Variants in SNTG1 observed in about 807,000 individuals in gnomAD.
SNTG1 encodes syntrophin gamma 1, also known as gamma-1-syntrophin.
In SNTG1, 39 loss-of-function variants were observed where a neutral mutation model predicts 74.7. The observed-to-expected ratio is 0.52, with a 90% CI of 0.40 to 0.68. The LOEUF is 0.68. SNTG1 is among the 30% of genes least tolerant of loss of function. SNTG1 has a pLI of 0.00. For missense variants in SNTG1, 685 were observed against 609.5 expected, an observed-to-expected ratio of 1.12 and a Z score of -1.30; for synonymous variants, 254 against 217.1, an observed-to-expected ratio of 1.17 and a Z score of -1.49.
At chr8:50,787,873 T>C (rs1324140910) in intron 18 of SNTG1, among the ~76,000 whole-genome samples, 1 of 152,076 alleles carries the variant, frequency 6.6e-6, no homozygotes, top group African/African-American at 2.4e-5. Context: ...GTACTGGGTA[T>C]AGGATATATT....
chr8:50,661,648 A>G (rs1585997026), intron 15 of SNTG1, among the ~76,000 whole-genome samples: 1 of 152,142 alleles, frequency 6.6e-6, no homozygotes. Flanking sequence ...CCCATCATCT[A>G]GGTTTTAGGC....
chr8:50,567,967 G>A (rs1183981161), intron 12 of SNTG1, among the ~76,000 whole-genome samples: 1 of 151,832 alleles, frequency 6.6e-6, no homozygotes, highest in East Asian at 1.9e-4. Flanking sequence ...CTGTATCTCT[G>A]TATTCATTGG....
chr8:50,468,706 T>TC (rs576950547), intron 8 of SNTG1, among the ~76,000 whole-genome samples: 2 of 152,162 alleles, frequency 1.3e-5, no homozygotes, highest in Non-Finnish European at 2.9e-5. Context: ...TTTGTTCCCC[T>TC]CCCCCACTCT....
chr8:50,748,838 G>A (rs1352709765), intron 17 of SNTG1, among the ~76,000 whole-genome samples: 1 of 151,942 alleles, frequency 6.6e-6, no homozygotes, highest in Non-Finnish European at 1.5e-5. Context: ...TGTGTGTTCT[G>A]ACTGCTCCAC....
intron 9 of SNTG1, among the ~76,000 whole-genome samples, chr8:50,512,381 A>C (rs1449637073): frequency 2.0e-5 from 3 of 151,428 alleles, no homozygotes; most frequent in Middle Eastern, 3.4e-3. Flanking sequence ...GGTGAATCTG[A>C]CAATTATGTG....
intron 1 of SNTG1, among the ~76,000 whole-genome samples, chr8:50,015,292 G>A (rs1193979788): frequency 6.6e-6 from 1 of 151,974 alleles, no homozygotes; most frequent in East Asian, 1.9e-4. Context: ...GATTTGAATA[G>A]GAGGAAGAGA....
In SNTG1 at chr8:50,394,222, T is replaced by C. The variant is rs2092699416; in HGVS notation, c.-17T>C. On this transcript the variant is annotated 5_prime_UTR_variant, in exon 3 of 19. Transcript: ENST00000642720. ...TCTGTGTCTTTTCAGACGACATCCTTTGTGGTGCCACAGCACATGGATTTC... is the reference window on the plus strand; with the variant it reads ...TCTGTGTCTTTTCAGACGACATCCTCTGTGGTGCCACAGCACATGGATTTC... The C allele has an allele frequency of 6.2e-7, 1 of 1,612,662 alleles. No individual in the cohort carries two copies. Among genetic ancestry groups the C allele is most frequent in the African/African-American group, 1.3e-5 (1 of 74,858 alleles).
In SNTG1 at chr8:50,504,567, A is replaced by G. The variant is rs2093990671; in HGVS notation, c.466+1687A>G. ...AGCATTTTGAGAGGCTGAGGCCGGC[A>G]GATCACCTAAGCTCAGGAGTTCAAG... is the stretch of plus-strand genomic sequence containing the variant. On this transcript the variant is annotated intron_variant, in intron 9 of 18. Transcript: ENST00000642720. Among the ~76,000 whole-genome samples the G allele has an allele frequency of 2.6e-5, 4 of 152,156 alleles. No homozygotes were observed. In the South Asian group the frequency reaches 8.3e-4, roughly 31 times the overall value.
At chr8:50,746,999 C>T (rs1223204326) in intron 17 of SNTG1, among the ~76,000 whole-genome samples, 1 of 151,076 alleles carries the variant, frequency 6.6e-6, no homozygotes, top group South Asian at 2.1e-4. Flanking sequence ...AGTGCTTTTG[C>T]TCTTCTGCAG....
At chr8:50,742,154 A>G (rs562270016) in intron 17 of SNTG1, among the ~76,000 whole-genome samples, 1 of 152,046 alleles carries the variant, frequency 6.6e-6, no homozygotes, top group African/African-American at 2.4e-5. Context: ...AATCATACAC[A>G]CACAAAATTA....
chr8:50,530,039 T>C (rs1245347937), intron 9 of SNTG1, 138 bp from the exon 10 acceptor site: 2 of 723,722 alleles, frequency 2.8e-6, no homozygotes, highest in African/African-American at 1.8e-5. Flanking sequence ...CTGGCTTTAG[T>C]ATAACTGAGA....
At position 49,919,948 on chromosome 8, in the gene SNTG1, G is replaced by A. The variant is rs144164442; in HGVS notation, c.-103+7717G>A. 1.5e-3 allele frequency among the ~76,000 whole-genome samples: 229 copies of A among 152,166 alleles called. 1 individual carries two copies. The East Asian group carries it at 0.041, about 27-fold the overall frequency. On this transcript the variant is annotated intron_variant, in intron 1 of 18. Coordinates refer to ENST00000642720, the MANE Select transcript of SNTG1 (RefSeq NM_018967.5). ...TGAGCCAATCAAGAGTAATACAATA[G>A]CGCACACTTAGAGTCAAAGTAAGTC...
At chr8:50,359,222 C>T (rs1368827390) in intron 2 of SNTG1, among the ~76,000 whole-genome samples, 1 of 152,172 alleles carries the variant, frequency 6.6e-6, no homozygotes, top group Non-Finnish European at 1.5e-5. Context: ...CTGAGTTCAG[C>T]TCCTTAGTCC....
chr8:50,207,820 T>C (rs2084319909), intron 2 of SNTG1, among the ~76,000 whole-genome samples: 1 of 152,238 alleles, frequency 6.6e-6, no homozygotes, highest in African/African-American at 2.4e-5. Context: ...CCTTTCTTTA[T>C]GTACCCAGTA....
At chr8:50,359,954 C>A (rs2091914757) in intron 2 of SNTG1, among the ~76,000 whole-genome samples, 1 of 152,060 alleles carries the variant, frequency 6.6e-6, no homozygotes, top group African/African-American at 2.4e-5. Flanking sequence ...TAGTGCACAA[C>A]TAACTTACTA....
At chr8:50,592,587 T>C (rs2094698928) in intron 13 of SNTG1, among the ~76,000 whole-genome samples, 1 of 152,186 alleles carries the variant, frequency 6.6e-6, no homozygotes, top group Non-Finnish European at 1.5e-5. Flanking sequence ...AAATCACACA[T>C]AGAACAAGTA....
intron 13 of SNTG1, among the ~76,000 whole-genome samples, chr8:50,648,045 T>A (rs2095121522): frequency 6.6e-6 from 1 of 152,288 alleles, no homozygotes; most frequent in Non-Finnish European, 1.5e-5. Context: ...GGAAAGGTAC[T>A]TTTTGGCATC....
chr8:50,741,348 C>T (rs1216047964), intron 17 of SNTG1, among the ~76,000 whole-genome samples: 4 of 151,978 alleles, frequency 2.6e-5, no homozygotes, highest in Non-Finnish European at 5.9e-5. Context: ...GTCTTAAATT[C>T]CTGACCTCAG....
chr8:50,084,842 C>T (rs749277471), intron 1 of SNTG1, among the ~76,000 whole-genome samples: 2 of 152,162 alleles, frequency 1.3e-5, no homozygotes, highest in African/African-American at 2.4e-5. Flanking sequence ...TTTTCTATCT[C>T]TAGGGCTTGC....
Sources: gnomAD v4.1 joint callset for allele counts (sites outside exome capture counted in the v4.1 genomes callset) on GRCh38, gnomAD v4.1.1 for gene constraint, MANE v1.5 for transcripts, NCBI Gene and HGNC (gene_info 2026-07-23, HGNC 2026-07-21) for gene names.